BCHE: variants seen among roughly 807,000 people sequenced by gnomAD.
BCHE encodes the protein butyrylcholinesterase.
Under a neutral mutation model 51.3 loss-of-function variants are expected in BCHE, and 48 were observed. The observed-to-expected ratio is 0.94, with a 90% confidence interval of 0.74 to 1.19. The LOEUF is 1.19. BCHE is among the 50% of genes most tolerant of loss of function. BCHE has a pLI of 0.00. For synonymous variants in BCHE, 251 were observed against 238.0 expected, an observed-to-expected ratio of 1.05 and a Z score of -0.50; for missense variants, 847 against 708.2, an observed-to-expected ratio of 1.20 and a Z score of -2.23.
intron 2 of BCHE, among the ~76,000 whole-genome samples, chr3:165,827,609 A>G (rs560249761): frequency 6.7e-6 from 1 of 150,356 alleles, no homozygotes; most frequent in African/African-American, 2.5e-5. Context: ...TGCAACATGC[A>G]AAAAAATGAA....
rs1712952949 is a variant in BCHE, at chr3:165,786,401, T to C, written c.1518-90A>G. On this transcript the variant is annotated intron_variant, in intron 2 of 3. Transcript: ENST00000264381. ...TTTTCTAACACTGTTCACAAGAGCT[T>C]TAAAGAATTTAAGACAGAAAAAATG... 6 of 1,236,914 alleles carry C rather than the reference T, an allele frequency of 4.9e-6. No individual in the cohort carries two copies. The East Asian group carries it at 1.5e-4, about 31-fold the overall frequency. The allele number at this position is 1,236,914 out of a possible 1,614,324, so 76.6% of individuals were successfully genotyped here.
At chr3:165,813,366 C>T (rs1008566080) in intron 2 of BCHE, among the ~76,000 whole-genome samples, 5 of 151,494 alleles carry the variant, frequency 3.3e-5, no homozygotes, top group African/African-American at 9.7e-5. Context: ...AATAATATCT[C>T]GTTCTAAAAT....
intron 2 of BCHE, among the ~76,000 whole-genome samples, chr3:165,817,074 C>T (rs77926652): frequency 6.6e-6 from 1 of 152,156 alleles, no homozygotes; most frequent in East Asian, 1.9e-4. Flanking sequence ...ACCATATCCT[C>T]CAATAGTTGT....
chr3:165,778,364 T>A (rs1408371186), intron 3 of BCHE: 2 of 160,686 alleles, frequency 1.2e-5, no homozygotes, highest in Non-Finnish European at 2.8e-5. Context: ...TATAATATTC[T>A]TACAATCTAG....
intron 2 of BCHE, among the ~76,000 whole-genome samples, chr3:165,794,109 T>C (rs143336737): frequency 1.7e-3 from 263 of 152,032 alleles, no homozygotes; most frequent in African/African-American, 6.2e-3. Context: ...GTATTTATTC[T>C]TAACTATATA....
intron 3 of BCHE, among the ~76,000 whole-genome samples, chr3:165,777,154 C>A (rs1223327513): frequency 1.3e-5 from 2 of 151,816 alleles, no homozygotes; most frequent in African/African-American, 4.8e-5. Flanking sequence ...ATTCTCGTAA[C>A]TATTTTTCAG....
intron 2 of BCHE, among the ~76,000 whole-genome samples, chr3:165,801,467 A>G (rs940492383): frequency 6.6e-6 from 1 of 152,182 alleles, no homozygotes; most frequent in Non-Finnish European, 1.5e-5. Context: ...CTACAGAAAT[A>G]TTGTTATGAT....
At chr3:165,797,331 C>T (rs1413041905) in intron 2 of BCHE, among the ~76,000 whole-genome samples, 8 of 83,416 alleles carry the variant, frequency 9.6e-5, no homozygotes, top group Admixed American at 1.3e-4. Context: ...CTTCCTTCCT[C>T]CCTCCCTCCC....
rs745482363 is a variant in BCHE, at chr3:165,829,634, C to A, written c.1400G>T (p.Gly467Val). ...ACCAAAGACAAATTCAATTTCATAG[C>A]CATGCATCACTCCCATCCATTCTGG... ...PWPEWMGVMH[G>V]YEIEFVFGLP... Residue 467 changes from glycine (G) to valine (V), a missense_variant, in exon 2 of 4, where the codon GGC (glycine) becomes GTC (valine). Transcript: ENST00000264381. The A allele has an allele frequency of 6.2e-7, 1 of 1,613,818 alleles. No homozygotes were observed. Among genetic ancestry groups the A allele is most frequent in the East Asian group, 2.2e-5 (1 of 44,860 alleles).
intron 2 of BCHE, among the ~76,000 whole-genome samples, chr3:165,826,513 T>TG (rs531762930): frequency 9.2e-5 from 14 of 151,396 alleles, no homozygotes; most frequent in African/African-American, 2.2e-4. Context: ...TGCAAAGAGG[T>TG]GGGGGGGGAC....
chr3:165,831,371 C>T (rs1421029160), intron 1 of BCHE, among the ~76,000 whole-genome samples: 1 of 152,078 alleles, frequency 6.6e-6, no homozygotes, highest in African/African-American at 2.4e-5. Context: ...TGTACAGCTC[C>T]ACCAAAAAAG....
chr3:165,820,112 G>C (rs1226223968), intron 2 of BCHE, among the ~76,000 whole-genome samples: 2 of 152,024 alleles, frequency 1.3e-5, no homozygotes, highest in East Asian at 3.9e-4. Context: ...GAGTGCATTA[G>C]TTTTTTTCTG....
At chr3:165,804,825 T>A (rs983849961) in intron 2 of BCHE, among the ~76,000 whole-genome samples, 1 of 152,220 alleles carries the variant, frequency 6.6e-6, no homozygotes, top group Non-Finnish European at 1.5e-5. Context: ...ACATAGTGTG[T>A]ATACATGTTT....
chr3:165,805,756 A>C (rs1253598176), intron 2 of BCHE, among the ~76,000 whole-genome samples: 1 of 152,078 alleles, frequency 6.6e-6, no homozygotes, highest in East Asian at 1.9e-4. Flanking sequence ...TCTTTTTCTA[A>C]TTTTTAAAAC....
At chr3:165,813,199 C>T (rs1453880646) in intron 2 of BCHE, among the ~76,000 whole-genome samples, 1 of 151,656 alleles carries the variant, frequency 6.6e-6, no homozygotes, top group Non-Finnish European at 1.5e-5. Flanking sequence ...GACTACTTAC[C>T]AATAAAATTT....
intron 2 of BCHE, among the ~76,000 whole-genome samples, chr3:165,813,117 G>C (rs1014964215): frequency 1.5e-4 from 22 of 151,656 alleles, no homozygotes; most frequent in Non-Finnish European, 2.1e-4. Context: ...TAAAATTAGA[G>C]ACTACTGTGG....
chr3:165,785,242 A>C (rs1712897445), intron 3 of BCHE, among the ~76,000 whole-genome samples: 1 of 151,862 alleles, frequency 6.6e-6, no homozygotes, highest in African/African-American at 2.4e-5. Flanking sequence ...AAAATTACAG[A>C]TCGTCATGAT....
chr3:165,783,531 G>T lies in BCHE; in HGVS notation c.1684+2614C>A, dbSNP rs186816084. ...AGTCTTGCTAACTGATTAGCAAATA[G>T]TAGTAAATGATTTTCAAAGTAACCA... On this transcript the variant is annotated intron_variant, in intron 3 of 3. Coordinates refer to ENST00000264381, the MANE Select transcript of BCHE (RefSeq NM_000055.4). 2.6e-4 allele frequency among the ~76,000 whole-genome samples: 39 copies of T among 152,154 alleles called. 1 individual carries two copies. Among genetic ancestry groups the T allele is most frequent in the Admixed American group, 7.9e-4 (12 of 15,250 alleles).
chr3:165,773,245 G>T lies in BCHE; in HGVS notation c.*137C>A. On this transcript the variant is annotated 3_prime_UTR_variant, in exon 4 of 4. Transcript: ENST00000264381. ...CTAGGTAAAATACTAAGTTAAAGAT[G>T]TGAGGAATCAATATTATCCTTCTGG... 2 of 764,378 alleles carry T rather than the reference G, an allele frequency of 2.6e-6. No homozygotes were observed. The highest frequency in any genetic ancestry group is 4.2e-6 in the Non-Finnish European group (2 of 481,004). 47.3% of individuals were successfully genotyped at this position (764,378 alleles called of 1,614,324 possible).
Sources: allele counts gnomAD v4.1 joint callset (sites outside exome capture counted in the v4.1 genomes callset), GRCh38; gene constraint gnomAD v4.1.1; transcripts MANE v1.5; gene names NCBI Gene and HGNC (gene_info 2026-07-23, HGNC 2026-07-21).